The following PALLD variants were observed in gnomAD, a reference collection of about 807,000 sequenced individuals.
PALLD encodes the protein palladin.
Under a neutral mutation model 123.5 loss-of-function variants are expected in PALLD, and 61 were observed. That is an observed-to-expected ratio of 0.49 (90% CI 0.40 to 0.61). The LOEUF is 0.61. PALLD is among the 20% of genes least tolerant of loss of function. PALLD has a pLI of 0.00. For synonymous variants in PALLD, 465 were observed against 496.4 expected (o/e 0.94, Z 0.84); for missense variants, 1,273 against 1,377.0 (o/e 0.92, Z 1.20).
chr4:168,670,434 T>TA (rs1018980659), intron 3 of PALLD, among the ~76,000 whole-genome samples: 6 of 152,106 alleles, frequency 3.9e-5, no homozygotes, highest in Admixed American at 6.5e-5. Flanking sequence ...CACATTTTTT[T>TA]AAAAAAAGCC....
chr4:168,882,505 G>T (rs1360306193), intron 10 of PALLD, among the ~76,000 whole-genome samples: 2 of 152,198 alleles, frequency 1.3e-5, no homozygotes, highest in Non-Finnish European at 2.9e-5. Flanking sequence ...CAAGACTGTG[G>T]TTAGATAGTA....
chr4:168,768,882 G>C (rs2150487729), intron 10 of PALLD, among the ~76,000 whole-genome samples: 1 of 151,592 alleles, frequency 6.6e-6, no homozygotes, highest in African/African-American at 2.4e-5. Context: ...CATTTGGCTG[G>C]CAGTGATGCC....
Position 168,925,276 on chromosome 4 carries a change from C to A in PALLD, c.*30C>A. ...GAACCACACCAGGAGAACAAATACC[C>A]AAGTATCATTCAGGAACTTTGAATT... is the stretch of plus-strand genomic sequence containing the variant. On this transcript the variant is annotated splice_region_variant and 3_prime_UTR_variant, in exon 21 of 22. Transcript: ENST00000505667. 6.2e-7 allele frequency: 1 copy of A among 1,601,346 alleles called. No homozygotes were observed. Among genetic ancestry groups the A allele is most frequent in the Non-Finnish European group, 8.6e-7 (1 of 1,168,410 alleles).
chr4:168,900,490 T>TA (rs936287562), intron 14 of PALLD, among the ~76,000 whole-genome samples: 4 of 152,058 alleles, frequency 2.6e-5, no homozygotes, highest in African/African-American at 9.7e-5. Context: ...CTCAATGAAA[T>TA]AAAAAGCTTA....
chr4:168,814,050 G>A (rs1413671028), intron 10 of PALLD, among the ~76,000 whole-genome samples: 2 of 152,168 alleles, frequency 1.3e-5, no homozygotes, highest in Non-Finnish European at 1.5e-5. Context: ...AGTGTGGGAT[G>A]AAGCAACAAC....
rs115257977 is a variant in PALLD at position 168,550,840 on chromosome 4, C to T, written c.908+38428C>T. 2.1e-3 allele frequency among the ~76,000 whole-genome samples: 313 copies of T among 152,300 alleles called. 2 individuals are homozygous for T. Among genetic ancestry groups the T allele is most frequent in the African/African-American group, 7.1e-3 (295 of 41,568 alleles). The stretch of plus-strand genomic sequence containing the variant: ...TGATACTCTGCCCCCAATCCATGTT[C>T]TTTCATTGAACTGTAATGTTTTACT... On this transcript the variant is annotated intron_variant, in intron 2 of 21. Coordinates refer to ENST00000505667, the MANE Select transcript of PALLD (RefSeq NM_001166108.2).
intron 2 of PALLD, among the ~76,000 whole-genome samples, chr4:168,551,884 C>T (rs1286733909): frequency 6.6e-6 from 1 of 152,084 alleles, no homozygotes; most frequent in Non-Finnish European, 1.5e-5. Context: ...AGAGAAAATT[C>T]ACGATGACAT....
rs778156806 is a variant in PALLD at position 168,898,702 on chromosome 4, T to A, written c.2460T>A (p.Asn820Lys). ...PVTFTCRVAG[N>K]PKPKIYWFKD... ...CTTTCACATGTAGAGTGGCTGGAAA[T>A]CCAAAGCCAAAGGTGAGCTGGGAGA... Residue 820 changes from asparagine (N) to lysine (K), a missense_variant, in exon 14 of 22, where the codon AAT becomes AAA. Coordinates refer to ENST00000505667, the MANE Select transcript of PALLD (RefSeq NM_001166108.2). The A allele has an allele frequency of 6.2e-7, 1 of 1,612,552 alleles. No homozygotes were observed. Among genetic ancestry groups the A allele is most frequent in the South Asian group, 1.1e-5 (1 of 91,038 alleles).
At chr4:168,877,265 G>T (rs1476825360) in intron 10 of PALLD, among the ~76,000 whole-genome samples, 1 of 152,206 alleles carries the variant, frequency 6.6e-6, no homozygotes, top group Non-Finnish European at 1.5e-5. Context: ...AGGCAAATTG[G>T]ACTAACGTAA....
At chr4:168,911,706 G>C (rs1287965847) in intron 15 of PALLD, among the ~76,000 whole-genome samples, 1 of 152,146 alleles carries the variant, frequency 6.6e-6, no homozygotes, top group African/African-American at 2.4e-5. Flanking sequence ...CCAAATGTTT[G>C]CCAAGAGTTT....
At chr4:168,792,175 G>A (rs1420601264) in intron 10 of PALLD, among the ~76,000 whole-genome samples, 1 of 152,096 alleles carries the variant, frequency 6.6e-6, no homozygotes. Flanking sequence ...TTCTGGTGAG[G>A]TACACATCAC....
rs1232895995 is a variant in PALLD at position 168,878,219 on chromosome 4, C to T, written c.1965-12703C>T. On this transcript the variant is annotated intron_variant, in intron 10 of 21. Transcript: ENST00000505667. ...CTTCCCGGTGCCCGACGTGTTCCCACTGCCGCCGCCACCACCGCCGCTCCC... is the reference window on the plus strand; with the variant it reads ...CTTCCCGGTGCCCGACGTGTTCCCATTGCCGCCGCCACCACCGCCGCTCCC... 3.3e-6 allele frequency: 5 copies of T among 1,519,628 alleles called. No homozygotes were observed. In the African/African-American group the frequency reaches 5.7e-5, roughly 17 times the overall value. 94.1% of individuals were successfully genotyped at this position (1,519,628 alleles called of 1,614,324 possible). A position where few individuals can be genotyped will look rare whatever the true frequency, so the allele number is the denominator to read the frequency against.
At chr4:168,898,399 C>A (rs1755725545) in intron 13 of PALLD, 94 bp from the exon 14 acceptor site, 4 of 797,722 alleles carry the variant, frequency 5.0e-6, no homozygotes, top group African/African-American at 1.7e-5. Flanking sequence ...GTAAAAATAT[C>A]ACTGTCTTCT....
intron 10 of PALLD, among the ~76,000 whole-genome samples, chr4:168,725,559 C>T (rs183055708): frequency 0.016 from 1,792 of 109,724 alleles, 39 homozygotes; most frequent in African/African-American, 0.056. Flanking sequence ...TGGAGTCTTG[C>T]TCTGTTGCCC....
At chr4:168,909,651 G>A (rs1315620306) in intron 15 of PALLD, among the ~76,000 whole-genome samples, 1 of 152,104 alleles carries the variant, frequency 6.6e-6, no homozygotes, top group African/African-American at 2.4e-5. Context: ...AGATAGAAAT[G>A]AGAAAATTAA....
intron 10 of PALLD, among the ~76,000 whole-genome samples, chr4:168,812,947 C>T (rs748315371): frequency 8.6e-5 from 13 of 151,024 alleles, no homozygotes; most frequent in Non-Finnish European, 1.9e-4. Context: ...CGTGTAGATT[C>T]ATCAGCGAGA....
chr4:168,761,641 GTTTGTTTTTTTTTTTTTT>G (rs1732864858), intron 10 of PALLD, among the ~76,000 whole-genome samples: 1 of 11,650 alleles, frequency 8.6e-5, no homozygotes, highest in Non-Finnish European at 2.1e-4. Context: ...TGTTGTTGTT[GTTTGTTTTTTTTTTTTTT>G]TTTTTTTTTT....
intron 10 of PALLD, among the ~76,000 whole-genome samples, chr4:168,773,676 C>T (rs1734756745): frequency 6.6e-6 from 1 of 152,160 alleles, no homozygotes; most frequent in Non-Finnish European, 1.5e-5. Flanking sequence ...CTGTGAATTT[C>T]ATCTAGGATA....
At chr4:168,534,971 T>A (rs1764961374) in intron 2 of PALLD, among the ~76,000 whole-genome samples, 2 of 152,164 alleles carry the variant, frequency 1.3e-5, no homozygotes, top group Admixed American at 6.5e-5. Flanking sequence ...TGAAAAAAAA[T>A]GGTGTCTGTA....
Sources: gnomAD v4.1 joint callset for allele counts (sites outside exome capture counted in the v4.1 genomes callset) on GRCh38, gnomAD v4.1.1 for gene constraint, MANE v1.5 for transcripts, NCBI Gene and HGNC (gene_info 2026-07-23, HGNC 2026-07-21) for gene names.